XCL1: variants seen among roughly 807,000 people sequenced by gnomAD.
XCL1 encodes the protein X-C motif chemokine ligand 1, also known as lymphotactin.
Under a neutral mutation model 7.4 loss-of-function variants are expected in XCL1, and 6 were observed. That is an observed-to-expected ratio of 0.82 (90% CI 0.45 to 1.61). XCL1 has a LOEUF of 1.61. Among genes scored for constraint, XCL1 ranks in the 40% most tolerant of loss-of-function variants. XCL1 has a pLI of 0.01. For synonymous variants in XCL1, 48 were observed against 52.4 expected (o/e 0.92, Z 0.36); for missense variants, 122 against 138.2 (o/e 0.88, Z 0.59).
intron 1 of XCL1, among the ~76,000 whole-genome samples, chr1:168,577,132 GC>G (rs1226936262): frequency 6.6e-6 from 1 of 152,116 alleles, no homozygotes; most frequent in African/African-American, 2.4e-5. Context: ...TGTAGGTTTT[GC>G]CCATTTAATA....
chr1:168,581,200 G>T lies in XCL1; in HGVS notation c.325G>T (p.Ala109Ser). Residue 109 changes from alanine (A) to serine (S), a missense_variant, in exon 3 of 3, where the codon GCT becomes TCT. Coordinates refer to ENST00000367818, the MANE Select transcript of XCL1 (RefSeq NM_002995.3). ...AGGAACCCAGCAATCGACCAATACA[G>T]CTGTGACTCTGACTGGCTAGTAGTC... ...PTGTQQSTNT[A>S]VTLTG 6.2e-7 allele frequency: 1 copy of T among 1,613,708 alleles called. No individual in the cohort carries two copies. The highest frequency in any genetic ancestry group is 8.5e-7 in the Non-Finnish European group (1 of 1,179,754).
chr1:168,581,117 T>C lies in XCL1; in HGVS notation c.242T>C (p.Val81Ala). ...CAAGCCACATGGGTGAGAGACGTGG[T>C]CAGGAGCATGGACAGGAAATCCAAC... ...DPQATWVRDV[V>A]RSMDRKSNTR... Residue 81 changes from valine (V) to alanine (A), a missense_variant, in exon 3 of 3, where the codon GTC becomes GCC. By Grantham distance (64) the Val-to-Ala change is moderately conservative (BLOSUM62 0). Transcript: ENST00000367818. The C allele has an allele frequency of 6.2e-7, 1 of 1,613,830 alleles. No individual in the cohort carries two copies. Among genetic ancestry groups the C allele is most frequent in the Admixed American group, 1.7e-5 (1 of 60,000 alleles).
At chr1:168,580,260 G>A in intron 2 of XCL1, 83 bp downstream of exon 2, 2 of 1,457,928 alleles carry the variant, frequency 1.4e-6, no homozygotes, top group South Asian at 2.7e-5. Flanking sequence ...GCCGTCCTCA[G>A]GAAAAGTAGG....
chr1:168,577,215 T>C (rs1205185237), intron 1 of XCL1, among the ~76,000 whole-genome samples: 1 of 152,182 alleles, frequency 6.6e-6, no homozygotes, highest in Non-Finnish European at 1.5e-5. Context: ...GGATGTATGT[T>C]CTGGAGTAAA....
chr1:168,578,792 C>A (rs1655085578), intron 1 of XCL1: 1 of 466,106 alleles, frequency 2.1e-6, no homozygotes, highest in Non-Finnish European at 4.2e-6. Context: ...CCAGCTTAGC[C>A]AAAGCTCCTT....
chr1:168,577,934 C>T (rs1378194608), intron 1 of XCL1, among the ~76,000 whole-genome samples: 11 of 152,180 alleles, frequency 7.2e-5, no homozygotes, highest in Non-Finnish European at 1.6e-4. Context: ...TCTGCTTTGA[C>T]TCAATTTTGC....
At position 168,581,823 on chromosome 1, in the gene XCL1, C is replaced by T. The variant is rs112546446; in HGVS notation, c.*603C>T. The T allele has an allele frequency of 2.9e-4, 44 of 152,060 alleles. 1 individual carries two copies. The highest frequency in any genetic ancestry group is 1.1e-3 in the African/African-American group (44 of 41,518). 9.4% of individuals were successfully genotyped at this position (152,060 alleles called of 1,614,324 possible). A position where few individuals can be genotyped will look rare whatever the true frequency, so the allele number is the denominator to read the frequency against. On this transcript the variant is annotated 3_prime_UTR_variant, in exon 3 of 3. Transcript: ENST00000367818. ...GACACAACTTGTCCCTTTTTTGTCC[C>T]ATTAGCAAAAATTAGAATTTTGGTA...
intron 1 of XCL1, 141 bp from the exon 2 acceptor site, chr1:168,579,922 C>G (rs1655115657): frequency 1.5e-6 from 1 of 657,386 alleles, no homozygotes; most frequent in Admixed American, 3.2e-5. Flanking sequence ...ATTCGGGATG[C>G]CTATCAGTCC....
intron 1 of XCL1, 62 bp downstream of exon 1, chr1:168,576,760 T>C: frequency 1.9e-6 from 3 of 1,612,178 alleles, no homozygotes; most frequent in Non-Finnish European, 2.5e-6. Flanking sequence ...GGCACACATT[T>C]TGGGTTTGAC....
intron 2 of XCL1, among the ~76,000 whole-genome samples, chr1:168,580,386 AAGAAT>A (rs1354874039): frequency 1.3e-5 from 2 of 152,362 alleles, no homozygotes; most frequent in South Asian, 2.1e-4. Context: ...CTGCCAAAGA[AAGAAT>A]AGAAGTCCTC....
chr1:168,581,825 T>G lies in XCL1; in HGVS notation c.*605T>G, dbSNP rs1272246299. On this transcript the variant is annotated 3_prime_UTR_variant, in exon 3 of 3. Transcript: ENST00000367818. ...CACAACTTGTCCCTTTTTTGTCCCA[T>G]TAGCAAAAATTAGAATTTTGGTATA... The G allele has an allele frequency of 1.3e-5, 2 of 152,186 alleles. No homozygotes were observed. Among genetic ancestry groups the G allele is most frequent in the African/African-American group, 4.8e-5 (2 of 41,450 alleles). The allele number at this position is 152,186 out of a possible 1,614,324, so 9.4% of individuals were successfully genotyped here.
In XCL1 at chr1:168,580,023, C is replaced by T. The variant is rs774801530; in HGVS notation, c.62-40C>T. The stretch of plus-strand genomic sequence containing the variant: ...ATTGTTCCTGTGATCTGGATAATTG[C>T]TTTATTTTTAATTGTCTGTTGTTTT... On this transcript the variant is annotated intron_variant, in intron 1 of 2. Transcript: ENST00000367818. 27 of 1,584,582 alleles carry T rather than the reference C, an allele frequency of 1.7e-5. No individual in the cohort carries two copies. The Admixed American group carries it at 4.4e-4, about 26-fold the overall frequency.
chr1:168,578,566 TTA>T (rs1655080401), intron 1 of XCL1: 1 of 189,000 alleles, frequency 5.3e-6, no homozygotes, highest in Non-Finnish European at 1.1e-5. Context: ...TGACTTCCTT[TTA>T]TATATATCTT....
chr1:168,577,952 G>T (rs1262195216), intron 1 of XCL1, among the ~76,000 whole-genome samples: 1 of 152,190 alleles, frequency 6.6e-6, no homozygotes, highest in Non-Finnish European at 1.5e-5. Context: ...TGCAACCTGA[G>T]TGAAGGTGAT....
intron 1 of XCL1, 87 bp downstream of exon 1, chr1:168,576,785 G>C (rs527734148): frequency 6.3e-7 from 1 of 1,583,012 alleles, no homozygotes; most frequent in South Asian, 1.1e-5. Flanking sequence ...GTTATGACTG[G>C]ACTAACCTGC....
chr1:168,579,878 C>T (rs1317952767), intron 1 of XCL1, among the ~76,000 whole-genome samples, 185 bp from the exon 2 acceptor site: 1 of 151,988 alleles, frequency 6.6e-6, no homozygotes, highest in Non-Finnish European at 1.5e-5. Flanking sequence ...TTAAATTAGT[C>T]AAATATTTAC....
At chr1:168,577,184 A>G (rs183703326) in intron 1 of XCL1, among the ~76,000 whole-genome samples, 46 of 152,324 alleles carry the variant, frequency 3.0e-4, no homozygotes, top group African/African-American at 1.1e-3. Flanking sequence ...GAGTTCAGTT[A>G]CAATGTGGGG....
intron 1 of XCL1, chr1:168,579,401 G>C (rs114274193): frequency 0.012 from 2,160 of 176,672 alleles, 43 homozygotes; most frequent in African/African-American, 0.044. Flanking sequence ...GCAGGGTCTG[G>C]GGCCACTTTC....
chr1:168,581,383 T>G lies in XCL1; in HGVS notation c.*163T>G. The G allele has an allele frequency of 2.6e-6, 2 of 770,622 alleles. No homozygotes were observed. Among genetic ancestry groups the G allele is most frequent in the African/African-American group, 1.8e-5 (1 of 55,686 alleles). The allele number at this position is 770,622 out of a possible 1,614,324, so 47.7% of individuals were successfully genotyped here. On this transcript the variant is annotated 3_prime_UTR_variant, in exon 3 of 3. Coordinates refer to ENST00000367818, the MANE Select transcript of XCL1 (RefSeq NM_002995.3). Reference sequence around the variant, plus strand: ...TTCTGTATTCACTTATATGTTCTAATTAATAAATTATTTATTATTAAGAAT... The same window carrying G: ...TTCTGTATTCACTTATATGTTCTAAGTAATAAATTATTTATTATTAAGAAT...
Sources: gnomAD v4.1 joint callset for allele counts (sites outside exome capture counted in the v4.1 genomes callset) on GRCh38, gnomAD v4.1.1 for gene constraint, MANE v1.5 for transcripts, NCBI Gene and HGNC (gene_info 2026-07-23, HGNC 2026-07-21) for gene names.